The following CHSY3 variants were observed in gnomAD, a reference collection of about 807,000 sequenced individuals.
The protein encoded by CHSY3 is chondroitin sulfate synthase 3.
Under a neutral mutation model 67.2 loss-of-function variants are expected in CHSY3, and 35 were observed. The observed-to-expected ratio is 0.52, with a 90% CI of 0.40 to 0.69. CHSY3 has a LOEUF of 0.69. Among genes scored for constraint, CHSY3 ranks in the 30% least tolerant of loss-of-function variants. The pLI, the probability that CHSY3 is intolerant of heterozygous loss-of-function variation, is 0.00. For synonymous variants in CHSY3, 474 were observed against 434.7 expected, an observed-to-expected ratio of 1.09 and a Z score of -1.12; for missense variants, 1,069 against 1,138.5, an observed-to-expected ratio of 0.94 and a Z score of 0.88.
At chr5:130,118,985 A>AT (rs1156738190) in intron 2 of CHSY3, among the ~76,000 whole-genome samples, 4 of 152,182 alleles carry the variant, frequency 2.6e-5, no homozygotes, top group Admixed American at 1.3e-4. Context: ...GGAGCATATA[A>AT]TTTTTTCAAA....
intron 2 of CHSY3, among the ~76,000 whole-genome samples, chr5:130,099,057 A>G (rs1394430512): frequency 6.6e-6 from 1 of 152,192 alleles, no homozygotes; most frequent in Non-Finnish European, 1.5e-5. Context: ...TGGGCAGAGC[A>G]ATGTCTGTAA....
chr5:129,919,986 GA>G (rs1157227605), intron 2 of CHSY3, among the ~76,000 whole-genome samples: 2 of 152,036 alleles, frequency 1.3e-5, no homozygotes, highest in Non-Finnish European at 2.9e-5. Flanking sequence ...TAGTTATGTT[GA>G]AATGTACAGT....
rs140092315 is a variant in CHSY3 at position 129,982,553 on chromosome 5, C to T, written c.1086+74193C>T. 3.8e-3 allele frequency among the ~76,000 whole-genome samples: 580 copies of T among 151,724 alleles called. 7 individuals are homozygous for T. Among genetic ancestry groups the T allele is most frequent in the African/African-American group, 0.013 (543 of 41,390 alleles). On this transcript the variant is annotated intron_variant, in intron 2 of 2. Transcript: ENST00000305031. The stretch of plus-strand genomic sequence containing the variant: ...GTTCAGCATATAATTTTCTTTTGTA[C>T]GATTCAGAACTATATTTTTTTAAAG...
At chr5:129,965,419 A>T (rs114111211) in intron 2 of CHSY3, among the ~76,000 whole-genome samples, 185 of 152,046 alleles carry the variant, frequency 1.2e-3, no homozygotes, top group Non-Finnish European at 2.2e-3. Context: ...TGTGGAGCTG[A>T]TCAAAAGTTT....
At chr5:130,129,693 CCATCTCTCAGAA>C (rs1426116010) in intron 2 of CHSY3, among the ~76,000 whole-genome samples, 4 of 152,052 alleles carry the variant, frequency 2.6e-5, no homozygotes, top group African/African-American at 4.8e-5. Flanking sequence ...GAACAATGGA[CCATCTCTCAGAA>C]GCTCTAATTC....
chr5:129,961,429 G>A (rs1762323333), intron 2 of CHSY3, among the ~76,000 whole-genome samples: 1 of 151,984 alleles, frequency 6.6e-6, no homozygotes, highest in Admixed American at 6.6e-5. Flanking sequence ...AAATAGTTTA[G>A]ACCACTTACT....
chr5:130,098,816 AATGAATTAATATTAGAAAG>A (rs1767135080), intron 2 of CHSY3, among the ~76,000 whole-genome samples: 2 of 152,348 alleles, frequency 1.3e-5, no homozygotes, highest in South Asian at 4.1e-4. Context: ...AATTATGAAA[AATGAATTAATATTAGAAAG>A]TATCCATGAT....
chr5:130,044,793 C>CA (rs1765098225), intron 2 of CHSY3, among the ~76,000 whole-genome samples: 1 of 152,010 alleles, frequency 6.6e-6, no homozygotes. Flanking sequence ...CTGGAGGCGA[C>CA]AAAGTCAAGG....
At chr5:130,030,796 G>A (rs1474428033) in intron 2 of CHSY3, among the ~76,000 whole-genome samples, 2 of 152,000 alleles carry the variant, frequency 1.3e-5, no homozygotes, top group South Asian at 4.1e-4. Context: ...CCGGAGCTAG[G>A]TTCTTAGAGT....
chr5:130,158,771 A>G lies in CHSY3; in HGVS notation c.1087-25458A>G, dbSNP rs79296774. On this transcript the variant is annotated intron_variant, in intron 2 of 2. Transcript: ENST00000305031. ...AACAGACAAAAAGAAAGTTGTCATC[A>G]AGGGAATTTCCATTTTTTTTATTTG... Among the ~76,000 whole-genome samples the G allele has an allele frequency of 5.3e-3, 806 of 152,264 alleles. 10 individuals are homozygous for G. Among genetic ancestry groups the G allele is most frequent in the African/African-American group, 0.019 (773 of 41,560 alleles).
intron 2 of CHSY3, among the ~76,000 whole-genome samples, chr5:129,925,784 A>G (rs181870793): frequency 7.0e-4 from 107 of 152,116 alleles, no homozygotes; most frequent in African/African-American, 2.5e-3. Context: ...TTCACCATTT[A>G]TATTTTTTTA....
chr5:129,912,826 G>A (rs919835379), intron 2 of CHSY3, among the ~76,000 whole-genome samples: 2 of 152,118 alleles, frequency 1.3e-5, no homozygotes, highest in Non-Finnish European at 2.9e-5. Flanking sequence ...TCATTGGAGA[G>A]TCTAAATTGA....
chr5:130,157,954 C>T (rs1769420840), intron 2 of CHSY3, among the ~76,000 whole-genome samples: 1 of 152,136 alleles, frequency 6.6e-6, no homozygotes, highest in South Asian at 2.1e-4. Flanking sequence ...GCCATGGCAT[C>T]TATAAGTTGT....
At position 129,904,934 on chromosome 5, in the gene CHSY3, C is replaced by T. The variant is rs1463542756; in HGVS notation, c.105C>T (p.Ser35=). Reference sequence around the variant, plus strand: ...TCGCCCCCAGGGTGGCGGAGCTGAGCGAGAGGAAGAGACGTGGCTCCAGCC... The same window carrying T: ...TCGCCCCCAGGGTGGCGGAGCTGAGTGAGAGGAAGAGACGTGGCTCCAGCC... ...WLIAPRVAEL[S]ERKRRGSSLC... The change falls in exon 1 of 3, where the codon AGC becomes AGT. Residue 35 remains serine, a synonymous_variant. Coordinates refer to ENST00000305031, the MANE Select transcript of CHSY3 (RefSeq NM_175856.5). 3 of 1,548,336 alleles carry T rather than the reference C, an allele frequency of 1.9e-6. No homozygotes were observed. The highest frequency in any genetic ancestry group is 2.4e-5 in the East Asian group (1 of 41,600).
intron 2 of CHSY3, among the ~76,000 whole-genome samples, chr5:130,089,657 A>G (rs1046593088): frequency 6.6e-6 from 1 of 152,184 alleles, no homozygotes; most frequent in Non-Finnish European, 1.5e-5. Flanking sequence ...GAAACATGAT[A>G]CATGAAACAT....
At chr5:129,948,253 C>T (rs972713508) in intron 2 of CHSY3, among the ~76,000 whole-genome samples, 2 of 152,002 alleles carry the variant, frequency 1.3e-5, no homozygotes, top group Non-Finnish European at 2.9e-5. Context: ...TTTATTTAGT[C>T]GTGATTTCTG....
At chr5:130,086,689 G>A (rs1333780240) in intron 2 of CHSY3, among the ~76,000 whole-genome samples, 1 of 152,084 alleles carries the variant, frequency 6.6e-6, no homozygotes, top group Non-Finnish European at 1.5e-5. Flanking sequence ...TCTCTGAATA[G>A]ACCAATAACA....
At chr5:130,102,888 T>C (rs531923039) in intron 2 of CHSY3, among the ~76,000 whole-genome samples, 3 of 152,220 alleles carry the variant, frequency 2.0e-5, no homozygotes, top group South Asian at 2.1e-4. Context: ...GCTTGTTCTC[T>C]AAGGAAAGAC....
intron 2 of CHSY3, chr5:130,114,660 CAA>C (rs987956203): frequency 1.4e-4 from 22 of 152,146 alleles, no homozygotes; most frequent in African/African-American, 5.1e-4. Flanking sequence ...AATTAACCAC[CAA>C]AAGAGTCACT....
Sources: allele counts gnomAD v4.1 joint callset (sites outside exome capture counted in the v4.1 genomes callset), GRCh38; gene constraint gnomAD v4.1.1; transcripts MANE v1.5; gene names NCBI Gene and HGNC (gene_info 2026-07-23, HGNC 2026-07-21).